GOLGA8N: variants seen among roughly 807,000 people sequenced by gnomAD.
GOLGA8N encodes golgin subfamily A member 8N.
GOLGA8N carries 2 observed loss-of-function variants against 22.0 expected under a neutral mutation model. That is an observed-to-expected ratio of 0.09 (90% CI 0.04 to 0.29). The LOEUF is 0.29. GOLGA8N is among the 10% of genes least tolerant of loss of function. The pLI is 1.00. For missense variants in GOLGA8N, 10 were observed against 164.7 expected (o/e 0.06, Z 5.14); for synonymous variants, 2 against 58.7 (o/e 0.03, Z 4.41).
exon 19 of GOLGA8N, chr15:32,607,178 T>G: frequency 6.6e-6 from 1 of 152,468 alleles, no homozygotes; most frequent in East Asian, 1.9e-4. Flanking sequence ...GTTTTTGCCT[T>G]AAAATTTTAT....
At chr15:32,605,681 G>A (rs2052924521) in exon 19 of GOLGA8N, 2 of 111,118 alleles carry the variant, frequency 1.8e-5, no homozygotes, top group African/African-American at 6.7e-5. Context: ...AGATAGGTGT[G>A]TGTGCTCCCT....
chr15:32,598,708 G>A (rs1207201352), intron 8 of GOLGA8N, among the ~76,000 whole-genome samples: 1 of 54,676 alleles, frequency 1.8e-5, no homozygotes, highest in East Asian at 4.4e-4. Context: ...TTCAAAAAGT[G>A]AACAAAAGAT....
Position 32,597,649 on chromosome 15 carries a change from G to A in GOLGA8N, c.349-103G>A. On this transcript the variant is annotated intron_variant, in intron 5 of 18. Coordinates refer to ENST00000448387, the Ensembl canonical transcript of GOLGA8N. ...AGGGCCCCTGATAACCTGGTCCCAT[G>A]GGTGGGCCTGTCCTGGGGCATTGGT... is the stretch of plus-strand genomic sequence containing the variant. 5 of 964,814 alleles carry A rather than the reference G, an allele frequency of 5.2e-6. No individual in the cohort carries two copies. In the South Asian group the frequency reaches 6.8e-5, roughly 13 times the overall value. 59.8% of individuals were successfully genotyped at this position (964,814 alleles called of 1,614,324 possible).
exon 19 of GOLGA8N, chr15:32,607,163 G>A (rs2052945162): frequency 6.6e-6 from 1 of 152,332 alleles, no homozygotes; most frequent in Non-Finnish European, 1.5e-5. Flanking sequence ...TTGTTTCAAT[G>A]TGTTGTTTTT....
At position 32,599,210 on chromosome 15, in the gene GOLGA8N, C is replaced by A. The variant is rs2604649; in HGVS notation, c.592-17C>A. ...CCAGGCTCTCCAGATTGAAACTTCT[C>A]ACTCTTCACCATCCAGTTGTCCAGC... is the stretch of plus-strand genomic sequence containing the variant. On this transcript the variant is annotated splice_polypyrimidine_tract_variant and intron_variant, in intron 8 of 18. Transcript: ENST00000448387. 1 of 211,758 alleles carries A rather than the reference C, an allele frequency of 4.7e-6. No individual in the cohort carries two copies. The highest frequency in any genetic ancestry group is 8.9e-5 in the Admixed American group (1 of 11,200). 13.1% of individuals were successfully genotyped at this position (211,758 alleles called of 1,614,324 possible).
At chr15:32,606,702 T>C (rs1042242766) in exon 19 of GOLGA8N, 10 of 149,332 alleles carry the variant, frequency 6.7e-5, no homozygotes, top group Non-Finnish European at 1.3e-4. Flanking sequence ...TGGCAATATA[T>C]AATAATCATT....
At chr15:32,598,661 C>A (rs1383933257) in intron 8 of GOLGA8N, among the ~76,000 whole-genome samples, 1 of 56,166 alleles carries the variant, frequency 1.8e-5, no homozygotes, top group Non-Finnish European at 3.9e-5. Flanking sequence ...CCCTTCTGTA[C>A]CTTCTGAGTT....
exon 19 of GOLGA8N, chr15:32,605,182 C>CT (rs2052918198): frequency 1.4e-5 from 1 of 69,478 alleles, no homozygotes; most frequent in Non-Finnish European, 3.1e-5. Flanking sequence ...ACCTTGGTTA[C>CT]TCTGATATAG....
rs544489215 is a variant in GOLGA8N, at chr15:32,598,091, C to T, written c.505C>T (p.Arg169Cys). 2.7e-5 allele frequency: 34 copies of T among 1,277,188 alleles called. 5 individuals are homozygous for T. The highest frequency in any genetic ancestry group is 2.4e-4 in the South Asian group (18 of 75,946). 79.1% of individuals were successfully genotyped at this position (1,277,188 alleles called of 1,614,324 possible). A position where few individuals can be genotyped will look rare whatever the true frequency, so the allele number is the denominator to read the frequency against. The change falls in exon 8 of 19, where the codon CGT becomes TGT. Residue 169 changes from arginine (R) to cysteine (C), a missense_variant. Transcript: ENST00000448387. ...AGAAGAGTCCAAGGACCTGGCTGTC[C>T]GTCTGCAACATTCATTGCAGTGTAA...
At chr15:32,607,024 T>G (rs1348435126) in exon 19 of GOLGA8N, 2 of 151,590 alleles carry the variant, frequency 1.3e-5, no homozygotes, top group Non-Finnish European at 2.9e-5. Context: ...CAAGTTTTCT[T>G]AGAATGAATT....
chr15:32,607,156 T>A (rs2052945017), exon 19 of GOLGA8N: 1 of 152,390 alleles, frequency 6.6e-6, no homozygotes, highest in South Asian at 2.1e-4. Flanking sequence ...TATTAAATTG[T>A]TTCAATGTGT....
chr15:32,606,558 T>A (rs1335256299), exon 19 of GOLGA8N: 1 of 151,766 alleles, frequency 6.6e-6, no homozygotes. Flanking sequence ...TCATTCAGTA[T>A]AAGGAAGCTT....
chr15:32,598,615 T>G (rs1241663638), intron 8 of GOLGA8N, among the ~76,000 whole-genome samples: 1 of 55,980 alleles, frequency 1.8e-5, no homozygotes, highest in Non-Finnish European at 4.0e-5. Flanking sequence ...TCATAAAAAA[T>G]TCAGGAGAGA....
exon 19 of GOLGA8N, chr15:32,606,927 AT>A (rs1282115847): frequency 1.3e-5 from 2 of 150,774 alleles, no homozygotes; most frequent in Non-Finnish European, 2.9e-5. Flanking sequence ...ACATTTTAAA[AT>A]ATGAATACTG....
At chr15:32,595,781 A>G (rs184552458) in intron 2 of GOLGA8N, among the ~76,000 whole-genome samples, 2 of 112,158 alleles carry the variant, frequency 1.8e-5, no homozygotes, top group African/African-American at 3.7e-5. Flanking sequence ...CTGTCTCAAA[A>G]AAAAAAAAAA....
rs1459084892 is a variant in GOLGA8N at position 32,598,544 on chromosome 15, GCGT to G, written c.591+368_591+370del. Reference sequence around the variant, plus strand: ...TTCTGTAGAAAGAGGAAACGTGTGTGCGTTGTGTGTGTGTGTGTGTGCATACTG... The same window carrying G: ...TTCTGTAGAAAGAGGAAACGTGTGTGTGTGTGTGTGTGTGTGTGCATACTG... On this transcript the variant is annotated intron_variant, in intron 8 of 18. Transcript: ENST00000448387. Among the ~76,000 whole-genome samples the G allele has an allele frequency of 5.4e-3, 24 of 4,464 alleles. 5 individuals are homozygous for G. The highest frequency in any genetic ancestry group is 0.33 in the Middle Eastern group (2 of 6). 2.9% of individuals were successfully genotyped at this position (4,464 alleles called of 152,430 possible).
At chr15:32,605,344 T>C (rs1595747051) in exon 19 of GOLGA8N, 2 of 143,058 alleles carry the variant, frequency 1.4e-5, no homozygotes, top group South Asian at 2.3e-4. Flanking sequence ...TTATGAAACT[T>C]AAAATGTGTA....
chr15:32,606,722 T>C (rs2052939358), exon 19 of GOLGA8N: 1 of 148,618 alleles, frequency 6.7e-6, no homozygotes. Flanking sequence ...TTTAAAAGTA[T>C]TTGATTCAAC....
Position 32,606,600 on chromosome 15 carries a change from T to TA in GOLGA8N, c.*2623dup, listed in dbSNP as rs1249137645. On this transcript the variant is annotated 3_prime_UTR_variant, in exon 19 of 19. Transcript: ENST00000448387. ...TGCTTAGAAGGCAACATTGGAATGT[T>TA]AGAGTTCATGAGAAACATAGAATTT... 3.2e-4 allele frequency: 49 copies of TA among 150,920 alleles called. 3 individuals carry two copies. The highest frequency in any genetic ancestry group is 1.5e-5 in the Non-Finnish European group (1 of 67,736). 9.3% of individuals were successfully genotyped at this position (150,920 alleles called of 1,614,324 possible).
Sources: gnomAD v4.1 joint callset for allele counts (sites outside exome capture counted in the v4.1 genomes callset) on GRCh38, gnomAD v4.1.1 for gene constraint, MANE v1.5 for transcripts, NCBI Gene and HGNC (gene_info 2026-07-23, HGNC 2026-07-21) for gene names.